Variants in CTNND2 observed in about 807,000 individuals in gnomAD.
CTNND2 encodes catenin delta-2.
Under a neutral mutation model 144.4 loss-of-function variants are expected in CTNND2, and 22 were observed. The ratio of observed to expected loss-of-function variants is 0.15; its 90% CI spans 0.11 to 0.22. The LOEUF (loss-of-function observed/expected upper bound fraction) is 0.22, where lower values mean the gene tolerates loss of function less well. Ranked by LOEUF, CTNND2 falls within the 10% of genes least tolerant of loss-of-function variation. The pLI is 1.00. For missense variants in CTNND2, 1,353 were observed against 1,618.8 expected, an observed-to-expected ratio of 0.84 and a Z score of 2.82; for synonymous variants, 751 against 695.6, an observed-to-expected ratio of 1.08 and a Z score of -1.25.
chr5:11,350,192 T>C (rs1456091361), intron 8 of CTNND2, among the ~76,000 whole-genome samples: 1 of 152,060 alleles, frequency 6.6e-6, no homozygotes, highest in Non-Finnish European at 1.5e-5. Flanking sequence ...AGAGGTGGGT[T>C]CCCCCTTTAA....
chr5:11,615,200 T>C (rs903601378), intron 2 of CTNND2, among the ~76,000 whole-genome samples: 3 of 152,206 alleles, frequency 2.0e-5, no homozygotes, highest in African/African-American at 7.2e-5. Context: ...ACATCTCTTC[T>C]TTCCTATTTA....
At chr5:11,157,586 G>T (rs530575272) in intron 12 of CTNND2, among the ~76,000 whole-genome samples, 1 of 152,290 alleles carries the variant, frequency 6.6e-6, no homozygotes, top group Admixed American at 6.5e-5. Context: ...ATGCTCCTGG[G>T]ATAAAACTGC....
At position 11,346,597 on chromosome 5, in the gene CTNND2, G is replaced by A; in HGVS notation, c.1403C>T (p.Pro468Leu). 9 of 1,558,226 alleles carry A rather than the reference G, an allele frequency of 5.8e-6. No homozygotes were observed. Among genetic ancestry groups the A allele is most frequent in the Non-Finnish European group, 7.8e-6 (9 of 1,150,818 alleles). The change falls in exon 9 of 22, where the codon CCC (proline) becomes CTC (leucine). Residue 468 changes from proline to leucine, a missense_variant. Transcript: ENST00000304623. ...GTGCTGGCTGCCTGTGCGCTGCAAGGGGACGGAGTCGACACCAGGGGAAGA... is the reference window on the plus strand; with the variant it reads ...GTGCTGGCTGCCTGTGCGCTGCAAGAGGACGGAGTCGACACCAGGGGAAGA... ...APSSPGVDSVPLQRTGSQHGP... is the reference protein window; with the variant it reads ...APSSPGVDSVLLQRTGSQHGP...
chr5:11,865,902 C>CCAAAAAAAAAAAAAAA (rs766558059), intron 1 of CTNND2, among the ~76,000 whole-genome samples: 1 of 87,426 alleles, frequency 1.1e-5, no homozygotes, highest in East Asian at 4.0e-4. Context: ...CTGGAAGAGA[C>CCAAAAAAAAAAAAAAA]AAAAAAAAAA....
intron 3 of CTNND2, among the ~76,000 whole-genome samples, chr5:11,547,858 C>T (rs1235377496): frequency 6.6e-6 from 1 of 152,202 alleles, no homozygotes; most frequent in Non-Finnish European, 1.5e-5. Context: ...TGAGGATGTT[C>T]CAATCCTACA....
At chr5:11,878,196 C>A (rs1428593250) in intron 1 of CTNND2, among the ~76,000 whole-genome samples, 1 of 152,048 alleles carries the variant, frequency 6.6e-6, no homozygotes, top group East Asian at 1.9e-4. Context: ...ATTTGAAAAA[C>A]TATAGCGGTA....
intron 3 of CTNND2, among the ~76,000 whole-genome samples, chr5:11,522,692 C>T (rs1313416734): frequency 6.6e-6 from 1 of 152,148 alleles, no homozygotes; most frequent in Admixed American, 6.5e-5. Flanking sequence ...TCATTCTAAT[C>T]ACAGTTGACT....
At position 11,512,876 on chromosome 5, in the gene CTNND2, G is replaced by T. The variant is rs1771783951; in HGVS notation, c.287+52068C>A. Among the ~76,000 whole-genome samples, 6 of 152,190 alleles carry T rather than the reference G, an allele frequency of 3.9e-5. No homozygotes were observed. In the South Asian group the frequency reaches 1.2e-3, roughly 32 times the overall value. ...AGCAAAGTCTGCAGGAGAAAAGACAGATGCTCCCAAACTACACATCCACTC... is the reference window on the plus strand; with the variant it reads ...AGCAAAGTCTGCAGGAGAAAAGACATATGCTCCCAAACTACACATCCACTC... On this transcript the variant is annotated intron_variant, in intron 3 of 21. Coordinates refer to ENST00000304623, the MANE Select transcript of CTNND2 (RefSeq NM_001332.4).
At chr5:11,487,549 T>C (rs1293791582) in intron 3 of CTNND2, among the ~76,000 whole-genome samples, 1 of 152,170 alleles carries the variant, frequency 6.6e-6, no homozygotes, top group African/African-American at 2.4e-5. Flanking sequence ...GAAGGTGGCA[T>C]GTGGCAGTCA....
chr5:11,644,628 C>A (rs1237796498), intron 2 of CTNND2, among the ~76,000 whole-genome samples: 1 of 148,806 alleles, frequency 6.7e-6, no homozygotes, highest in Non-Finnish European at 1.5e-5. Context: ...GAGCCAAGAT[C>A]ACGCCACTGC....
chr5:11,360,216 G>C (rs1756307397), intron 8 of CTNND2, among the ~76,000 whole-genome samples: 1 of 152,152 alleles, frequency 6.6e-6, no homozygotes, highest in African/African-American at 2.4e-5. Flanking sequence ...AGGAGAGATA[G>C]GAAAAGATGG....
At chr5:11,555,871 T>C (rs1006014614) in intron 3 of CTNND2, among the ~76,000 whole-genome samples, 3 of 152,138 alleles carry the variant, frequency 2.0e-5, no homozygotes, top group Non-Finnish European at 4.4e-5. Context: ...AAAAACAAAA[T>C]TGGCAATGCT....
chr5:11,422,486 T>G (rs984465154), intron 3 of CTNND2, among the ~76,000 whole-genome samples: 13 of 152,224 alleles, frequency 8.5e-5, no homozygotes, highest in Non-Finnish European at 2.9e-5. Flanking sequence ...TTGTTGGCAC[T>G]GGTGACTGAC....
At position 11,384,127 on chromosome 5, in the gene CTNND2, T is replaced by G. The variant is rs1051518175; in HGVS notation, c.1177+538A>C. On this transcript the variant is annotated intron_variant, in intron 7 of 21. Coordinates refer to ENST00000304623, the MANE Select transcript of CTNND2 (RefSeq NM_001332.4). This position sits in a 1 kb window ranked among gnomAD's most constrained non-coding sequence, Gnocchi z 5.2. Reference sequence around the variant, plus strand: ...TTCCCAATAACTAATTTAGCAAAGATGTAAATAAATTCAAGCCAAAACAAA... The same window carrying G: ...TTCCCAATAACTAATTTAGCAAAGAGGTAAATAAATTCAAGCCAAAACAAA... Among the ~76,000 whole-genome samples, 1 of 152,146 alleles carries G rather than the reference T, an allele frequency of 6.6e-6. No homozygotes were observed.
intron 10 of CTNND2, among the ~76,000 whole-genome samples, chr5:11,202,575 T>A (rs1737573228): frequency 6.6e-6 from 1 of 152,150 alleles, no homozygotes; most frequent in Non-Finnish European, 1.5e-5. Flanking sequence ...TTACTCAGAA[T>A]TAAAATGTAA....
At chr5:11,382,498 T>TGAGGCGG (rs1178720365) in intron 7 of CTNND2, among the ~76,000 whole-genome samples, 1 of 151,886 alleles carries the variant, frequency 6.6e-6, no homozygotes. Context: ...ATCGGGAGGC[T>TGAGGCGG]GAGGCGGGAG....
intron 16 of CTNND2, among the ~76,000 whole-genome samples, chr5:11,031,647 G>A (rs1417048757): frequency 6.6e-6 from 1 of 152,132 alleles, no homozygotes; most frequent in Non-Finnish European, 1.5e-5. Context: ...TTGAGTCAGT[G>A]GATTGGGAGA....
chr5:11,878,356 C>T (rs2127065888), intron 1 of CTNND2, among the ~76,000 whole-genome samples: 1 of 152,230 alleles, frequency 6.6e-6, no homozygotes, highest in South Asian at 2.1e-4. Context: ...CAAAAGTTTG[C>T]TGGCTTGTCT....
chr5:11,725,689 G>A (rs1786978212), intron 2 of CTNND2, among the ~76,000 whole-genome samples: 1 of 151,986 alleles, frequency 6.6e-6, no homozygotes, highest in African/African-American at 2.4e-5. Context: ...ATCATTAGAG[G>A]AAAAATATAT....
Sources: gnomAD v4.1 joint callset for allele counts (sites outside exome capture counted in the v4.1 genomes callset) on GRCh38, gnomAD v4.1.1 for gene constraint, Gnocchi (gnomAD v3.1) non-coding constraint, MANE v1.5 for transcripts, NCBI Gene and HGNC (gene_info 2026-07-23, HGNC 2026-07-21) for gene names.